Variants in SEC16A observed in about 807,000 individuals in gnomAD.
SEC16A encodes protein transport protein Sec16A.
Under a neutral mutation model 221.9 loss-of-function variants are expected in SEC16A, and 110 were observed. That is an observed-to-expected ratio of 0.50 (90% CI 0.42 to 0.58). SEC16A has a LOEUF of 0.58. Ranked by LOEUF, SEC16A falls within the 20% of genes least tolerant of loss-of-function variation. The pLI is 0.00. For synonymous variants in SEC16A, 1,393 were observed against 1,257.7 expected (o/e 1.11, Z -2.28); for missense variants, 3,165 against 3,097.8 (o/e 1.02, Z -0.52).
chr9:136,455,718 G>A lies in SEC16A; in HGVS notation c.5740C>T (p.Gln1914Ter). ...TGACTGAGTCCTGGCCTGTCCAACT[G>A]CTCCATCTCGGAACTCGGAGTGCCA... ...CPGTPSSEME[Q>*]LDRPGLSQPG... is the part of the protein sequence containing the mutation. The change falls in exon 20 of 32, where the codon CAG (glutamine) becomes TAG (stop). Residue 1914 changes from glutamine (Q) to a stop codon, truncating the protein, a stop_gained. Transcript: ENST00000684901. LOFTEE classifies it high-confidence loss of function. 1 of 1,595,586 alleles carries A rather than the reference G, an allele frequency of 6.3e-7. No individual in the cohort carries two copies. The highest frequency in any genetic ancestry group is 8.5e-7 in the Non-Finnish European group (1 of 1,171,588).
chr9:136,447,026 AAGAG>A lies in SEC16A; in HGVS notation c.6698-81_6698-78del, dbSNP rs753927020. The A allele has an allele frequency of 6.2e-6, 10 of 1,604,916 alleles. No homozygotes were observed. The highest frequency in any genetic ancestry group is 8.5e-6 in the Non-Finnish European group (10 of 1,176,644). ...GTCTCACTGAAGACACTCCGAGAGG[AAGAG>A]AGTTTCACACTGCACACGCGGCACA... On this transcript the variant is annotated intron_variant, in intron 27 of 31. Transcript: ENST00000684901. The surrounding 1 kb of genome is among the most constrained non-coding windows in gnomAD (Gnocchi z 5.5).
chr9:136,466,498 G>T lies in SEC16A; in HGVS notation c.3930-36C>A. On this transcript the variant is annotated intron_variant, in intron 6 of 31. Coordinates refer to ENST00000684901, the MANE Select transcript of SEC16A (RefSeq NM_014866.2). The surrounding 1 kb of genome is among the most constrained non-coding windows in gnomAD (Gnocchi z 5.5). ...CCGGGGGACAGAGGCAGAGGAATGG[G>T]AGTGCCGGAGGCCCCGTCCCCATGT... 6.4e-7 allele frequency: 1 copy of T among 1,550,606 alleles called. No individual in the cohort carries two copies.
intron 1 of SEC16A, among the ~76,000 whole-genome samples, chr9:136,480,866 G>A (rs1376519381): frequency 6.6e-6 from 1 of 150,552 alleles, no homozygotes; most frequent in African/African-American, 2.4e-5. Context: ...CTCCCGCCTG[G>A]GCAGAGCGAG....
At position 136,477,194 on chromosome 9, in the gene SEC16A, C is replaced by G; in HGVS notation, c.422G>C (p.Ser141Thr). 1 of 1,613,912 alleles carries G rather than the reference C, an allele frequency of 6.2e-7. No individual in the cohort carries two copies. Among genetic ancestry groups the G allele is most frequent in the Non-Finnish European group, 8.5e-7 (1 of 1,179,882 alleles). The change falls in exon 3 of 32, where the codon AGT becomes ACT. Residue 141 changes from serine to threonine, a missense_variant. Transcript: ENST00000684901. The stretch of plus-strand genomic sequence containing the variant: ...CTCTGAACTGGGACCGACCTCTGCA[C>G]TCCTGTTCATCTCAGGCCCAGGAGG... ...SAPPGPEMNR[S>T]AEVGPSSEPE...
chr9:136,445,596 T>C (rs1271915454), intron 29 of SEC16A, 49 bp downstream of exon 29: 2 of 1,399,350 alleles, frequency 1.4e-6, no homozygotes, highest in East Asian at 2.5e-5. Context: ...GACAGTGAGC[T>C]GCTGGGGAGG....
intron 20 of SEC16A, among the ~76,000 whole-genome samples, chr9:136,454,719 A>G (rs1838365120): frequency 6.6e-6 from 1 of 152,218 alleles, no homozygotes; most frequent in Non-Finnish European, 1.5e-5. Flanking sequence ...AAAACCTGAG[A>G]GGGCTGCTGC....
In SEC16A at chr9:136,467,984, G is replaced by A. The variant is rs12380054; in HGVS notation, c.3802+431C>T. ...CGGTGGGGTGGCCCATGTCCACACCGCCCCAGGCAGCAGCTGCCAGCCTCC... is the reference window on the plus strand; with the variant it reads ...CGGTGGGGTGGCCCATGTCCACACCACCCCAGGCAGCAGCTGCCAGCCTCC... On this transcript the variant is annotated intron_variant, in intron 5 of 31. Transcript: ENST00000684901. Among the ~76,000 whole-genome samples, 482 of 152,344 alleles carry A rather than the reference G, an allele frequency of 3.2e-3. 2 individuals are homozygous for A. Among genetic ancestry groups the A allele is most frequent in the Admixed American group, 6.0e-3 (92 of 15,306 alleles).
Position 136,447,167 on chromosome 9 carries a change from AG to A in SEC16A, c.6697+59del. On this transcript the variant is annotated intron_variant, in intron 27 of 31. Transcript: ENST00000684901. This position sits in a 1 kb window ranked among gnomAD's most constrained non-coding sequence, Gnocchi z 5.5. ...AGATTTAGGAGAGACTCATAGAAAG[AG>A]GATCAAAGGTCAGGAGACTGGGGGC... 1 of 1,552,522 alleles carries A rather than the reference AG, an allele frequency of 6.4e-7. No individual in the cohort carries two copies. The highest frequency in any genetic ancestry group is 8.7e-7 in the Non-Finnish European group (1 of 1,146,238).
At position 136,461,199 on chromosome 9, in the gene SEC16A, T is replaced by C; in HGVS notation, c.4969A>G (p.Thr1657Ala). 1 of 1,607,290 alleles carries C rather than the reference T, an allele frequency of 6.2e-7. No homozygotes were observed. Among genetic ancestry groups the C allele is most frequent in the Non-Finnish European group, 8.5e-7 (1 of 1,177,062 alleles). ...LLLASKMDSRTHARVMTRFAN... is the reference protein window; with the variant it reads ...LLLASKMDSRAHARVMTRFAN... ...TACCTGGTCATGACTCGGGCGTGTG[T>C]CCGGCTGTCCATCTTACTTGCAAGT... The change falls in exon 13 of 32, where the codon ACA becomes GCA. Residue 1657 changes from threonine to alanine, a missense_variant. This residue lies in a region of SEC16A where 1,088 missense variants were observed against 1,089.6 expected (regional missense o/e 1.00). Transcript: ENST00000684901.
In SEC16A at chr9:136,457,420, G is replaced by A. The variant is rs374160972; in HGVS notation, c.5550+24C>T. ...TTCCCTGCAGTCAGCACAGCATCCC[G>A]AGGACAGGCGCCAGGGGCAGCACCT... On this transcript the variant is annotated intron_variant, in intron 18 of 31. Coordinates refer to ENST00000684901, the MANE Select transcript of SEC16A (RefSeq NM_014866.2). The A allele has an allele frequency of 2.5e-4, 397 of 1,586,358 alleles. No homozygotes were observed. The African/African-American group carries it at 3.3e-3, about 13-fold the overall frequency.
intron 12 of SEC16A, 79 bp downstream of exon 12, chr9:136,462,808 C>T: frequency 1.3e-6 from 2 of 1,523,140 alleles, no homozygotes; most frequent in South Asian, 1.2e-5. Flanking sequence ...CCACGTCCCT[C>T]CCTGAAGGCT....
At chr9:136,442,104 C>T (rs925077726) in intron 31 of SEC16A, among the ~76,000 whole-genome samples, 2 of 152,218 alleles carry the variant, frequency 1.3e-5, no homozygotes, top group African/African-American at 4.8e-5. Context: ...CCTGGAGCTG[C>T]TCTGCAGAGC....
upstream of SEC16A, chr9:136,483,592 T>A (rs1268765984): frequency 2.0e-6 from 2 of 985,184 alleles, no homozygotes; most frequent in African/African-American, 3.5e-5. Flanking sequence ...GCTGGCTCTT[T>A]CTCCCAGTCT....
At position 136,440,847 on chromosome 9, in the gene SEC16A, G is replaced by A. The variant is rs969018254; in HGVS notation, c.*908C>T. 6.6e-6 allele frequency: 1 copy of A among 152,422 alleles called. No homozygotes were observed. Among genetic ancestry groups the A allele is most frequent in the South Asian group, 2.1e-4 (1 of 4,838 alleles). The allele number at this position is 152,422 out of a possible 1,614,324, so 9.4% of individuals were successfully genotyped here. The stretch of plus-strand genomic sequence containing the variant: ...GTACCACGAAAAGTGCTCACGGAAA[G>A]TGCAGCCTTTTAGAGAAGTGCATCC... On this transcript the variant is annotated 3_prime_UTR_variant, in exon 32 of 32. Transcript: ENST00000684901.
At chr9:136,453,331 CCTCA>C in intron 22 of SEC16A, 93 bp downstream of exon 22, 1 of 848,492 alleles carries the variant, frequency 1.2e-6, no homozygotes, top group South Asian at 1.4e-5. Flanking sequence ...ATTTCATAGT[CCTCA>C]CTACCATCAT....
Position 136,447,719 on chromosome 9 carries a change from C to A in SEC16A, c.6448-39G>T, listed in dbSNP as rs1223578578. ...CACAGCTTCAGACACCCACTGTGTG[C>A]ACAGAAACCCACTGGGATGGCACAG... On this transcript the variant is annotated intron_variant, in intron 25 of 31. Coordinates refer to ENST00000684901, the MANE Select transcript of SEC16A (RefSeq NM_014866.2). The surrounding 1 kb of genome is among the most constrained non-coding windows in gnomAD (Gnocchi z 5.5). The A allele has an allele frequency of 2.0e-5, 32 of 1,565,174 alleles. No individual in the cohort carries two copies. The highest frequency in any genetic ancestry group is 2.5e-5 in the Non-Finnish European group (28 of 1,140,918).
Position 136,477,041 on chromosome 9 carries a change from T to C in SEC16A, c.575A>G (p.His192Arg), listed in dbSNP as rs1227427813. 4 of 1,613,724 alleles carry C rather than the reference T, an allele frequency of 2.5e-6. No homozygotes were observed. Among genetic ancestry groups the C allele is most frequent in the Admixed American group, 3.3e-5 (2 of 60,030 alleles). The change falls in exon 3 of 32, where the codon CAT becomes CGT. Residue 192 changes from histidine to arginine, a missense_variant. Around this residue, in one of 3 missense-constraint regions of SEC16A, gnomAD observed 2,030 missense variants for 1,923.1 expected, o/e 1.06. Coordinates refer to ENST00000684901, the MANE Select transcript of SEC16A (RefSeq NM_014866.2). ...TGCTGCTGGGGTGACCACACCGTCATGTGGGTTTTGCCTGCTCAGGGGTCG... is the reference window on the plus strand; with the variant it reads ...TGCTGCTGGGGTGACCACACCGTCACGTGGGTTTTGCCTGCTCAGGGGTCG... ...LDRPLSRQNPHDGVVTPAASP... is the reference protein window; with the variant it reads ...LDRPLSRQNPRDGVVTPAASP...
At position 136,475,158 on chromosome 9, in the gene SEC16A, T is replaced by C. The variant is rs779398910; in HGVS notation, c.2458A>G (p.Thr820Ala). 21 of 1,613,752 alleles carry C rather than the reference T, an allele frequency of 1.3e-5. No homozygotes were observed. Among genetic ancestry groups the C allele is most frequent in the Non-Finnish European group, 1.7e-5 (20 of 1,179,862 alleles). Reference sequence around the variant, plus strand: ...ACTGGAGGATTCTGCAGAGACTCAGTGGGCGGTGAGGATAATAAACTTGCA... The same window carrying C: ...ACTGGAGGATTCTGCAGAGACTCAGCGGGCGGTGAGGATAATAAACTTGCA... ...GYASLLSSPPTESLQNPPVLI... is the reference protein window; with the variant it reads ...GYASLLSSPPAESLQNPPVLI... The change falls in exon 3 of 32, where the codon ACT (threonine) becomes GCT (alanine). Residue 820 changes from threonine (T) to alanine (A), a missense_variant. Thr to Ala is a moderately conservative substitution (Grantham distance 58). This residue lies in a region of SEC16A where 2,030 missense variants were observed against 1,923.1 expected (regional missense o/e 1.06). Transcript: ENST00000684901. This position sits in a 1 kb window ranked among gnomAD's most constrained non-coding sequence, Gnocchi z 5.0.
At position 136,466,789 on chromosome 9, in the gene SEC16A, C is replaced by G. The variant is rs887104064; in HGVS notation, c.3929+168G>C. Among the ~76,000 whole-genome samples the G allele has an allele frequency of 2.0e-5, 3 of 152,214 alleles. No homozygotes were observed. The highest frequency in any genetic ancestry group is 4.4e-5 in the Non-Finnish European group (3 of 68,032). On this transcript the variant is annotated intron_variant, in intron 6 of 31. Transcript: ENST00000684901. This position sits in a 1 kb window ranked among gnomAD's most constrained non-coding sequence, Gnocchi z 5.5. ...TCCTCTAACAGTCCAAGCTGGGAAC[C>G]CTGGGAGGGTCTGCTCCCTCCTTCC...
Sources: allele counts gnomAD v4.1 joint callset (sites outside exome capture counted in the v4.1 genomes callset), GRCh38; gene constraint gnomAD v4.1.1; regional missense constraint gnomAD v4.1.1; non-coding constraint Gnocchi (gnomAD v3.1); transcripts MANE v1.5; gene names NCBI Gene and HGNC (gene_info 2026-07-23, HGNC 2026-07-21).